Variants in MRPL11 observed in about 807,000 individuals in gnomAD.
MRPL11 encodes large ribosomal subunit protein uL11m.
A neutral mutation model predicts 19.1 loss-of-function variants in MRPL11; 21 were observed. The observed-to-expected ratio is 1.10, with a 90% CI of 0.78 to 1.58. MRPL11 has a LOEUF of 1.58. MRPL11 is among the 40% of genes most tolerant of loss of function. MRPL11 has a pLI of 0.00. For synonymous variants in MRPL11, 108 were observed against 99.7 expected (o/e 1.08, Z -0.49); for missense variants, 242 against 243.9 (o/e 0.99, Z 0.05).
intron 3 of MRPL11, 22 bp downstream of exon 3, chr11:66,437,328 A>C: frequency 6.2e-7 from 1 of 1,614,046 alleles, no homozygotes; most frequent in Non-Finnish European, 8.5e-7. Flanking sequence ...CCAGAATCTC[A>C]GATGCTTACC....
rs1374546454 is a variant in MRPL11 at position 66,437,493 on chromosome 11, C to T, written c.220-50G>A. 3 of 1,559,086 alleles carry T rather than the reference C, an allele frequency of 1.9e-6. No homozygotes were observed. In the South Asian group the frequency reaches 3.4e-5, roughly 18 times the overall value. ...ATTCTCTCTTCCTACTGCCCCATCC[C>T]AGGGAACTTCTAATGTCTTGCCCCC... On this transcript the variant is annotated intron_variant, in intron 2 of 4. Coordinates refer to ENST00000310999, the MANE Select transcript of MRPL11 (RefSeq NM_016050.5).
chr11:66,437,035 C>T lies in MRPL11; in HGVS notation c.473+69G>A, dbSNP rs188739496. ...GCTGACTTTCCCACTGCAATGGGCC[C>T]TCTCAGCTCTGCCCGAGTCCAGAGC... is the stretch of plus-strand genomic sequence containing the variant. On this transcript the variant is annotated intron_variant, in intron 4 of 4. Coordinates refer to ENST00000310999, the MANE Select transcript of MRPL11 (RefSeq NM_016050.5). 41 of 1,595,438 alleles carry T rather than the reference C, an allele frequency of 2.6e-5. No homozygotes were observed. The African/African-American group carries it at 5.0e-4, about 19-fold the overall frequency.
Position 66,437,160 on chromosome 11 carries a change from AGAC to A in MRPL11, c.414_416del (p.Ser139del), listed in dbSNP as rs1307414957. On this transcript the variant is annotated inframe_deletion, in exon 4 of 5. Coordinates refer to ENST00000310999, the MANE Select transcript of MRPL11 (RefSeq NM_016050.5). The stretch of plus-strand genomic sequence containing the variant: ...CAGACCCGATGATGGAGCGGACAAC[AGAC>A]GACAGGGGTACATCCTGCAGGGCAA... 1 of 1,614,126 alleles carries A rather than the reference AGAC, an allele frequency of 6.2e-7. No homozygotes were observed. Among genetic ancestry groups the A allele is most frequent in the Non-Finnish European group, 8.5e-7 (1 of 1,180,056 alleles).
rs759714638 is a variant in MRPL11 at position 66,438,248 on chromosome 11, G to A, written c.135C>T (p.Ser45=). 1.4e-5 allele frequency: 22 copies of A among 1,613,578 alleles called. No individual in the cohort carries two copies. Among genetic ancestry groups the A allele is most frequent in the Non-Finnish European group, 1.7e-5 (20 of 1,179,602 alleles). ...LGPVLGQRGV[S]INQFCKEFNE... is the part of the protein sequence containing the mutation. Reference sequence around the variant, plus strand: ...TGAACTCCTTGCAAAACTGGTTGATGGAAACGCCTCTCTGTGAGGGAAGCA... The same window carrying A: ...TGAACTCCTTGCAAAACTGGTTGATAGAAACGCCTCTCTGTGAGGGAAGCA... The change falls in exon 2 of 5, where the codon TCC becomes TCT. Residue 45 remains serine, a synonymous_variant. Transcript: ENST00000310999.
In MRPL11 at chr11:66,435,965, G is replaced by A; in HGVS notation, c.*42C>T. Reference sequence around the variant, plus strand: ...CTTCCTCCCCTTGGGCACAGCTTTTGCAACTACCTCCTTTGAAATCTGGGA... The same window carrying A: ...CTTCCTCCCCTTGGGCACAGCTTTTACAACTACCTCCTTTGAAATCTGGGA... On this transcript the variant is annotated 3_prime_UTR_variant, in exon 5 of 5. Coordinates refer to ENST00000310999, the MANE Select transcript of MRPL11 (RefSeq NM_016050.5). 6.7e-7 allele frequency: 1 copy of A among 1,502,300 alleles called. No individual in the cohort carries two copies. The highest frequency in any genetic ancestry group is 9.2e-7 in the Non-Finnish European group (1 of 1,081,492). The allele number at this position is 1,502,300 out of a possible 1,614,324, so 93.1% of individuals were successfully genotyped here. A position where few individuals can be genotyped will look rare whatever the true frequency, so the allele number is the denominator to read the frequency against.
chr11:66,438,727 C>A lies in MRPL11; in HGVS notation c.28G>T (p.Gly10Cys). Residue 10 changes from glycine to cysteine, a missense_variant, in exon 1 of 5, where the codon GGC becomes TGC. Coordinates refer to ENST00000310999, the MANE Select transcript of MRPL11 (RefSeq NM_016050.5). MSKLGRAAR[G>C]LRKPEVGGVI... is the part of the protein sequence containing the mutation. ...CCGCCGACCTCGGGCTTCCTGAGGCCCCGGGCGGCCCGGCCGAGCTTTGAC... is the reference window on the plus strand; with the variant it reads ...CCGCCGACCTCGGGCTTCCTGAGGCACCGGGCGGCCCGGCCGAGCTTTGAC... 1.3e-6 allele frequency: 2 copies of A among 1,577,106 alleles called. No homozygotes were observed. Among genetic ancestry groups the A allele is most frequent in the Non-Finnish European group, 8.6e-7 (1 of 1,160,474 alleles).
Position 66,435,834 on chromosome 11 carries a change from TG to T in MRPL11, c.*172del. The T allele has an allele frequency of 1.7e-6, 1 of 580,104 alleles. No individual in the cohort carries two copies. Among genetic ancestry groups the T allele is most frequent in the Admixed American group, 2.8e-5 (1 of 35,822 alleles). 35.9% of individuals were successfully genotyped at this position (580,104 alleles called of 1,614,324 possible). A position where few individuals can be genotyped will look rare whatever the true frequency, so the allele number is the denominator to read the frequency against. On this transcript the variant is annotated 3_prime_UTR_variant, in exon 5 of 5. Transcript: ENST00000310999. The stretch of plus-strand genomic sequence containing the variant: ...GAGGTCCCAAGATAGAAGATGACAG[TG>T]GGTAAGAAAGGATGTTTATTCAGGC...
chr11:66,437,539 C>T (rs923349635), intron 2 of MRPL11, 96 bp from the exon 3 acceptor site: 13 of 1,086,426 alleles, frequency 1.2e-5, no homozygotes, highest in Non-Finnish European at 1.6e-5. Context: ...ATCTCACTTT[C>T]CAATGGCATC....
chr11:66,435,910 T>G lies in MRPL11; in HGVS notation c.*97A>C. ...TACAAAAATATATCATTCAAAGTCA[T>G]GAAAACCATCATCATATTGGTGTGA... is the stretch of plus-strand genomic sequence containing the variant. On this transcript the variant is annotated 3_prime_UTR_variant, in exon 5 of 5. Coordinates refer to ENST00000310999, the MANE Select transcript of MRPL11 (RefSeq NM_016050.5). 1.2e-6 allele frequency: 1 copy of G among 853,018 alleles called. No individual in the cohort carries two copies. Among genetic ancestry groups the G allele is most frequent in the South Asian group, 1.4e-5 (1 of 69,108 alleles). The allele number at this position is 853,018 out of a possible 1,614,324, so 52.8% of individuals were successfully genotyped here. A position where few individuals can be genotyped will look rare whatever the true frequency, so the allele number is the denominator to read the frequency against.
In MRPL11 at chr11:66,438,733, C is replaced by A. The variant is rs747346435; in HGVS notation, c.22G>T (p.Ala8Ser). The A allele has an allele frequency of 9.5e-6, 15 of 1,572,038 alleles. No individual in the cohort carries two copies. The highest frequency in any genetic ancestry group is 8.2e-5 in the African/African-American group (6 of 72,940). The change falls in exon 1 of 5, where the codon GCC (alanine) becomes TCC (serine). Residue 8 changes from alanine to serine, a missense_variant. Ala to Ser is a moderately conservative substitution (Grantham distance 99). Transcript: ENST00000310999. MSKLGRA[A>S]RGLRKPEVGG... is the part of the protein sequence containing the mutation. ...ACCTCGGGCTTCCTGAGGCCCCGGG[C>A]GGCCCGGCCGAGCTTTGACATGATG...
Position 66,435,394 on chromosome 11 carries a change from G to A in MRPL11, c.*613C>T, listed in dbSNP as rs1184264651. The A allele has an allele frequency of 6.6e-6, 1 of 152,322 alleles. No homozygotes were observed. Among genetic ancestry groups the A allele is most frequent in the Non-Finnish European group, 1.5e-5 (1 of 68,134 alleles). 9.4% of individuals were successfully genotyped at this position (152,322 alleles called of 1,614,324 possible). A position where few individuals can be genotyped will look rare whatever the true frequency, so the allele number is the denominator to read the frequency against. ...CCAGGGTCAGGAGCTTAGTAGAAGGGCCTGAAGTAGCCCCTGGGATCTGGG... is the reference window on the plus strand; with the variant it reads ...CCAGGGTCAGGAGCTTAGTAGAAGGACCTGAAGTAGCCCCTGGGATCTGGG... On this transcript the variant is annotated 3_prime_UTR_variant, in exon 5 of 5. Coordinates refer to ENST00000310999, the MANE Select transcript of MRPL11 (RefSeq NM_016050.5).
Position 66,438,668 on chromosome 11 carries a change from G to A in MRPL11, c.87C>T (p.Ala29=), listed in dbSNP as rs1857039662. Residue 29 remains alanine (A), a synonymous_variant, in exon 1 of 5, where the codon GCC becomes GCT. Transcript: ENST00000310999. ...VIRAIVRAGL[A]MPGPPLGPVL... is the part of the protein sequence containing the mutation. ...CTGGGCCTAGTGGGGGCCCGGGCAT[G>A]GCCAGGCCTGCCCGCACGATCGCCC... is the stretch of plus-strand genomic sequence containing the variant. The A allele has an allele frequency of 1.3e-6, 2 of 1,571,548 alleles. No homozygotes were observed. Among genetic ancestry groups the A allele is most frequent in the Non-Finnish European group, 1.7e-6 (2 of 1,157,014 alleles).
At position 66,438,724 on chromosome 11, in the gene MRPL11, G is replaced by A. The variant is rs1857042367; in HGVS notation, c.31C>T (p.Leu11Phe). MSKLGRAARG[L>F]RKPEVGGVIR... ...ACACCGCCGACCTCGGGCTTCCTGA[G>A]GCCCCGGGCGGCCCGGCCGAGCTTT... Residue 11 changes from leucine to phenylalanine, a missense_variant, in exon 1 of 5, where the codon CTC (leucine) becomes TTC (phenylalanine). Leu to Phe is a conservative substitution (Grantham distance 22). Coordinates refer to ENST00000310999, the MANE Select transcript of MRPL11 (RefSeq NM_016050.5). 2 of 1,578,666 alleles carry A rather than the reference G, an allele frequency of 1.3e-6. No homozygotes were observed. Among genetic ancestry groups the A allele is most frequent in the Non-Finnish European group, 1.7e-6 (2 of 1,161,372 alleles).
chr11:66,437,507 T>A (rs767947985), intron 2 of MRPL11, 64 bp from the exon 3 acceptor site: 11 of 1,456,134 alleles, frequency 7.6e-6, no homozygotes, highest in Non-Finnish European at 1.0e-5. Flanking sequence ...GAACTTCTAA[T>A]GTCTTGCCCC....
rs1053068097 is a variant in MRPL11, at chr11:66,435,368, G to C, written c.*639C>G. 5 of 152,248 alleles carry C rather than the reference G, an allele frequency of 3.3e-5. No individual in the cohort carries two copies. Among genetic ancestry groups the C allele is most frequent in the Non-Finnish European group, 5.9e-5 (4 of 68,074 alleles). The allele number at this position is 152,248 out of a possible 1,614,324, so 9.4% of individuals were successfully genotyped here. ...ATGTTCAGCCAACATCTGACCCAGA[G>C]CCAGGGTCAGGAGCTTAGTAGAAGG... On this transcript the variant is annotated 3_prime_UTR_variant, in exon 5 of 5. Coordinates refer to ENST00000310999, the MANE Select transcript of MRPL11 (RefSeq NM_016050.5).
chr11:66,437,028 A>G (rs998214990), intron 4 of MRPL11, 76 bp downstream of exon 4: 1 of 1,589,958 alleles, frequency 6.3e-7, no homozygotes, highest in Admixed American at 1.7e-5. Flanking sequence ...TCCCACTGCA[A>G]TGGGCCCTCT....
In MRPL11 at chr11:66,438,632, C is replaced by A; in HGVS notation, c.123G>T (p.Gln41His). Residue 41 changes from glutamine to histidine, a missense_variant and splice_region_variant, in exon 1 of 5, where the codon CAG becomes CAT. By Grantham distance (24) the Gln-to-His change is conservative. Transcript: ENST00000310999. ...PGPPLGPVLG[Q>H]RGVSINQFCK... ...CGTCGGGTTCCCGCCACGGCCGCAC[C>A]TGACCCAGCACTGGGCCTAGTGGGG... is the stretch of plus-strand genomic sequence containing the variant. 6.6e-7 allele frequency: 1 copy of A among 1,518,022 alleles called. No individual in the cohort carries two copies. The highest frequency in any genetic ancestry group is 2.3e-5 in the East Asian group (1 of 42,814). The allele number at this position is 1,518,022 out of a possible 1,614,324, so 94.0% of individuals were successfully genotyped here.
chr11:66,435,386 G>A lies in MRPL11; in HGVS notation c.*621C>T, dbSNP rs1237753348. The A allele has an allele frequency of 1.3e-5, 2 of 152,282 alleles. No individual in the cohort carries two copies. The highest frequency in any genetic ancestry group is 3.9e-4 in the East Asian group (2 of 5,194). 9.4% of individuals were successfully genotyped at this position (152,282 alleles called of 1,614,324 possible). A position where few individuals can be genotyped will look rare whatever the true frequency, so the allele number is the denominator to read the frequency against. On this transcript the variant is annotated 3_prime_UTR_variant, in exon 5 of 5. Transcript: ENST00000310999. Reference sequence around the variant, plus strand: ...ACCCAGAGCCAGGGTCAGGAGCTTAGTAGAAGGGCCTGAAGTAGCCCCTGG... The same window carrying A: ...ACCCAGAGCCAGGGTCAGGAGCTTAATAGAAGGGCCTGAAGTAGCCCCTGG...
At chr11:66,436,491 T>TAA (rs547445000) in intron 4 of MRPL11, among the ~76,000 whole-genome samples, 12 of 144,218 alleles carry the variant, frequency 8.3e-5, no homozygotes, top group African/African-American at 2.5e-4. Flanking sequence ...ATGCTCCCAG[T>TAA]AAAAAAAAAA....
Sources: allele counts gnomAD v4.1 joint callset (sites outside exome capture counted in the v4.1 genomes callset), GRCh38; gene constraint gnomAD v4.1.1; transcripts MANE v1.5; gene names NCBI Gene and HGNC (gene_info 2026-07-23, HGNC 2026-07-21).